Variants in PCDHA1 observed in about 807,000 individuals in gnomAD.
PCDHA1 encodes the protein protocadherin alpha-1.
In PCDHA1, 42 loss-of-function variants were observed where a neutral mutation model predicts 61.3. That is an observed-to-expected ratio of 0.69 (90% CI 0.54 to 0.89). The LOEUF (loss-of-function observed/expected upper bound fraction) is 0.89, where lower values mean the gene tolerates loss of function less well. Among genes scored for constraint, PCDHA1 ranks in the 40% least tolerant of loss-of-function variants. PCDHA1 has a pLI of 0.00. For synonymous variants in PCDHA1, 610 were observed against 553.8 expected (o/e 1.10, Z -1.43); for missense variants, 1,256 against 1,235.3 (o/e 1.02, Z -0.25).
At chr5:140,876,921 C>T (rs1554169105) in intron 1 of PCDHA1, 13 of 1,613,926 alleles carry the variant, frequency 8.1e-6, no homozygotes, top group East Asian at 4.5e-5. Context: ...GGGACGCGGA[C>T]GCGCAGAAGA....
At chr5:140,946,165 G>A (rs1554217364) in intron 1 of PCDHA1, among the ~76,000 whole-genome samples, 5 of 151,838 alleles carry the variant, frequency 3.3e-5, no homozygotes, top group African/African-American at 1.2e-4. Flanking sequence ...TTAAAAGATG[G>A]GTAAAGGATG....
At chr5:140,999,476 A>G (rs1209910607) in intron 3 of PCDHA1, among the ~76,000 whole-genome samples, 6 of 152,124 alleles carry the variant, frequency 3.9e-5, no homozygotes, top group African/African-American at 1.2e-4. Flanking sequence ...GCAGATTCCA[A>G]CTCAAGTCTA....
intron 1 of PCDHA1, among the ~76,000 whole-genome samples, chr5:140,837,794 A>C (rs1554136640): frequency 1.3e-5 from 2 of 151,558 alleles, no homozygotes; most frequent in African/African-American, 4.9e-5. Flanking sequence ...CTCCCATCTC[A>C]GCCTCTGGAG....
Position 140,857,793 on chromosome 5 carries a change from G to A in PCDHA1, c.2394+69109G>A, listed in dbSNP as rs782663646. The A allele has an allele frequency of 5.0e-6, 8 of 1,597,706 alleles. No individual in the cohort carries two copies. The Middle Eastern group carries it at 6.9e-4, about 137-fold the overall frequency. ...GGTGCAGTCAGTGAGCTGGTGCTGC[G>A]GTCGGTGGTTGCGGGTCACGTGGTG... is the stretch of plus-strand genomic sequence containing the variant. On this transcript the variant is annotated intron_variant, in intron 1 of 3. Coordinates refer to ENST00000504120, the MANE Select transcript of PCDHA1 (RefSeq NM_018900.4).
At chr5:140,985,739 CTTTTTTTTTT>C (rs11372071) in intron 3 of PCDHA1, among the ~76,000 whole-genome samples, 1 of 117,922 alleles carries the variant, frequency 8.5e-6, no homozygotes, top group African/African-American at 3.2e-5. Context: ...TGATGAATTC[CTTTTTTTTTT>C]TTTTTTTTTT....
intron 1 of PCDHA1, chr5:140,882,154 A>C (rs2058976763): frequency 1.3e-6 from 2 of 1,505,976 alleles, no homozygotes; most frequent in Non-Finnish European, 1.8e-6. Flanking sequence ...AGAAAGCGGA[A>C]TACCTCTTGC....
At chr5:140,901,407 G>T (rs2068648687) in intron 1 of PCDHA1, among the ~76,000 whole-genome samples, 2 of 152,130 alleles carry the variant, frequency 1.3e-5, no homozygotes, top group Non-Finnish European at 2.9e-5. Context: ...AGAGATAGGG[G>T]TCTAGTTTCA....
chr5:140,850,436 A>G (rs2150484342), intron 1 of PCDHA1: 1 of 1,597,612 alleles, frequency 6.3e-7, no homozygotes, highest in Admixed American at 1.7e-5. Context: ...GCCAGCGCCT[A>G]CTGGTGCTGG....
At chr5:140,817,320 C>T (rs1331409789) in intron 1 of PCDHA1, 14 of 152,186 alleles carry the variant, frequency 9.2e-5, no homozygotes, top group Non-Finnish European at 1.5e-5. Context: ...GAAAAGTGCC[C>T]AGCTAGTTTT....
In PCDHA1 at chr5:141,010,181, C is replaced by G; in HGVS notation, c.*244C>G. The G allele has an allele frequency of 2.6e-6, 4 of 1,554,386 alleles. No individual in the cohort carries two copies. Among genetic ancestry groups the G allele is most frequent in the Non-Finnish European group, 3.5e-6 (4 of 1,148,120 alleles). On this transcript the variant is annotated 3_prime_UTR_variant, in exon 4 of 4. Transcript: ENST00000504120. ...TTGTTTTCAGAACCTAAAAAGCAGA[C>G]CCAAGTTTCCTTTCTCCTCCGCCGC... is the stretch of plus-strand genomic sequence containing the variant.
At chr5:140,855,988 C>T (rs1554148065) in intron 1 of PCDHA1, 4 of 1,481,966 alleles carry the variant, frequency 2.7e-6, no homozygotes, top group African/African-American at 1.4e-5. Flanking sequence ...CAGAAAATGT[C>T]AGATCGTATG....
At chr5:140,968,578 C>T in intron 1 of PCDHA1, 3 of 1,614,206 alleles carry the variant, frequency 1.9e-6, no homozygotes, top group Non-Finnish European at 2.5e-6. Context: ...GCTACCTGGT[C>T]ACCAAAGTCA....
Position 140,979,718 on chromosome 5 carries a change from T to C in PCDHA1, c.2453+711T>C, listed in dbSNP as rs372148471. Among the ~76,000 whole-genome samples, 17 of 152,388 alleles carry C rather than the reference T, an allele frequency of 1.1e-4. No homozygotes were observed. The East Asian group carries it at 2.7e-3, about 24-fold the overall frequency. On this transcript the variant is annotated intron_variant, in intron 2 of 3. Transcript: ENST00000504120. ...ATTTCTGGAGGTGATCCAGTATCCA[T>C]GCCATGGGGCCAAATAAAAGATTCA...
intron 1 of PCDHA1, chr5:140,802,095 G>A: frequency 6.2e-7 from 1 of 1,614,176 alleles, no homozygotes. Context: ...TCCAGTCAAT[G>A]GACAAATCAG....
At chr5:140,947,635 G>A (rs1170525936) in intron 1 of PCDHA1, among the ~76,000 whole-genome samples, 1 of 151,538 alleles carries the variant, frequency 6.6e-6, no homozygotes, top group African/African-American at 2.4e-5. Context: ...TCATCAGATC[G>A]TATGAACATA....
chr5:140,934,925 A>G (rs2090105619), intron 1 of PCDHA1, among the ~76,000 whole-genome samples: 1 of 152,196 alleles, frequency 6.6e-6, no homozygotes, highest in African/African-American at 2.4e-5. Context: ...ATTCACATAA[A>G]GTTACAAAAC....
chr5:140,925,061 C>T (rs968376229), intron 1 of PCDHA1, among the ~76,000 whole-genome samples: 2 of 147,510 alleles, frequency 1.4e-5, no homozygotes, highest in Non-Finnish European at 3.0e-5. Context: ...GACTGGGCAA[C>T]AAAGCAACAC....
rs148102793 is a variant in PCDHA1 at position 140,873,087 on chromosome 5, G to A, written c.2394+84403G>A. Among the ~76,000 whole-genome samples, 818 of 152,138 alleles carry A rather than the reference G, an allele frequency of 5.4e-3. 4 individuals carry two copies. Among genetic ancestry groups the A allele is most frequent in the Middle Eastern group, 0.014 (4 of 294 alleles). On this transcript the variant is annotated intron_variant, in intron 1 of 3. Coordinates refer to ENST00000504120, the MANE Select transcript of PCDHA1 (RefSeq NM_018900.4). ...AATCATATCTAGCTATTTCCCCCCC[G>A]TATAGAGGCATAACATACCATTTGG...
In PCDHA1 at chr5:140,876,046, C is replaced by T. The variant is rs781957967; in HGVS notation, c.2394+87362C>T. 1.5e-5 allele frequency: 24 copies of T among 1,613,720 alleles called. No individual in the cohort carries two copies. The Admixed American group carries it at 1.7e-4, about 11-fold the overall frequency. Reference sequence around the variant, plus strand: ...AACAAAAAAAGATAAAAGTATATTGCCTGAATTAGTTCTTCGGAAGTTATT... The same window carrying T: ...AACAAAAAAAGATAAAAGTATATTGTCTGAATTAGTTCTTCGGAAGTTATT... On this transcript the variant is annotated intron_variant, in intron 1 of 3. Transcript: ENST00000504120.
Sources: allele counts gnomAD v4.1 joint callset (sites outside exome capture counted in the v4.1 genomes callset), GRCh38; gene constraint gnomAD v4.1.1; transcripts MANE v1.5; gene names NCBI Gene and HGNC (gene_info 2026-07-23, HGNC 2026-07-21).